The following NT5C2 variants were observed in gnomAD, a reference collection of about 807,000 sequenced individuals.
NT5C2 encodes 5'-nucleotidase, cytosolic II.
A neutral mutation model predicts 76.1 loss-of-function variants in NT5C2; 58 were observed. The observed-to-expected ratio is 0.76, with a 90% confidence interval of 0.62 to 0.95. NT5C2 has a LOEUF of 0.95. NT5C2 is among the 40% of genes least tolerant of loss of function. The probability of loss-of-function intolerance (pLI) is 0.00; values close to 1 mark genes in which losing one functional copy is unlikely to be tolerated. For missense variants in NT5C2, 478 were observed against 690.3 expected (o/e 0.69, Z 3.45); for synonymous variants, 229 against 237.4 (o/e 0.96, Z 0.32).
At chr10:103,092,730 G>C (rs2067227418) in intron 15 of NT5C2, among the ~76,000 whole-genome samples, 1 of 152,158 alleles carries the variant, frequency 6.6e-6, no homozygotes, top group Non-Finnish European at 1.5e-5. Flanking sequence ...AAAAATACCA[G>C]AGGTGATTAA....
In NT5C2 at chr10:103,099,940, A is replaced by C. The variant is rs745543095; in HGVS notation, c.619T>G (p.Trp207Gly). ...CTTCTAGGTACCTTGTAATGAACCCAGTCAACAGCATCTCTTACATCCTGG... is the reference window on the plus strand; with the variant it reads ...CTTCTAGGTACCTTGTAATGAACCCCGTCAACAGCATCTCTTACATCCTGG... ...MFQDVRDAVD[W>G]VHYKGSLKEK... The change falls in exon 9 of 19, where the codon TGG becomes GGG. Residue 207 changes from tryptophan (W) to glycine (G), a missense_variant. Coordinates refer to ENST00000404739, the MANE Select transcript of NT5C2 (RefSeq NM_001351169.2). The C allele has an allele frequency of 2.5e-6, 4 of 1,610,208 alleles. No homozygotes were observed. The highest frequency in any genetic ancestry group is 3.4e-6 in the Non-Finnish European group (4 of 1,176,582).
intron 3 of NT5C2, among the ~76,000 whole-genome samples, chr10:103,174,133 G>GT (rs2089159536): frequency 1.3e-5 from 2 of 151,348 alleles, no homozygotes; most frequent in South Asian, 4.2e-4. Context: ...TTGGCAGGGT[G>GT]TGGTGGCTCA....
chr10:103,171,743 TAA>T (rs971721375), intron 3 of NT5C2, among the ~76,000 whole-genome samples: 7 of 152,128 alleles, frequency 4.6e-5, no homozygotes, highest in Admixed American at 2.6e-4. Flanking sequence ...ATTGAATCTA[TAA>T]AAAGAGTTAA....
chr10:103,140,346 G>T (rs1000586260), intron 3 of NT5C2, among the ~76,000 whole-genome samples: 5 of 151,906 alleles, frequency 3.3e-5, no homozygotes, highest in Non-Finnish European at 7.4e-5. Context: ...TGTCTTCTAC[G>T]TTCATCCATG....
chr10:103,159,846 TAGAG>T (rs2084374111), intron 3 of NT5C2, among the ~76,000 whole-genome samples: 1 of 152,116 alleles, frequency 6.6e-6, no homozygotes, highest in South Asian at 2.1e-4. Flanking sequence ...AAGTTATATA[TAGAG>T]AGAGTCAATG....
rs557708323 is a variant in NT5C2, at chr10:103,193,016, G to T, written c.-169+220C>A. 3.6e-3 allele frequency among the ~76,000 whole-genome samples: 540 copies of T among 152,024 alleles called. 4 individuals carry two copies. Among genetic ancestry groups the T allele is most frequent in the African/African-American group, 0.013 (525 of 41,500 alleles). Reference sequence around the variant, plus strand: ...GAGGAAGGGGCTGCCGTGGGGCGGGGGCCGCACCGAGGGAGTTGGGAGGCG... The same window carrying T: ...GAGGAAGGGGCTGCCGTGGGGCGGGTGCCGCACCGAGGGAGTTGGGAGGCG... On this transcript the variant is annotated intron_variant, in intron 1 of 18. Coordinates refer to ENST00000404739, the MANE Select transcript of NT5C2 (RefSeq NM_001351169.2).
chr10:103,089,115 G>A lies in NT5C2; in HGVS notation c.*557C>T. 4.4e-6 allele frequency: 1 copy of A among 227,554 alleles called. No homozygotes were observed. The highest frequency in any genetic ancestry group is 8.7e-6 in the Non-Finnish European group (1 of 114,516). 14.1% of individuals were successfully genotyped at this position (227,554 alleles called of 1,614,324 possible). The stretch of plus-strand genomic sequence containing the variant: ...TAGAGCATACTTCTGTGCAAAGCCA[G>A]TGATAGAGAAGCAGCCTTGCCAGAG... On this transcript the variant is annotated 3_prime_UTR_variant, in exon 19 of 19. Coordinates refer to ENST00000404739, the MANE Select transcript of NT5C2 (RefSeq NM_001351169.2).
intron 3 of NT5C2, among the ~76,000 whole-genome samples, chr10:103,142,861 T>C (rs1302694055): frequency 2.6e-5 from 4 of 151,444 alleles, no homozygotes; most frequent in Non-Finnish European, 4.4e-5. Context: ...CGTGTTCCTG[T>C]AATCCCAGCT....
chr10:103,143,603 T>G (rs984137389), intron 3 of NT5C2, among the ~76,000 whole-genome samples: 1 of 13,702 alleles, frequency 7.3e-5, no homozygotes, highest in East Asian at 8.5e-4. Context: ...TGTCCAGCTA[T>G]TTTTTTTTTT....
intron 4 of NT5C2, among the ~76,000 whole-genome samples, chr10:103,107,587 C>T (rs1047755612): frequency 6.6e-6 from 1 of 151,632 alleles, no homozygotes; most frequent in Non-Finnish European, 1.5e-5. Context: ...GTGGGAGAAT[C>T]GCTTGAACCT....
chr10:103,158,218 C>T (rs948635754), intron 3 of NT5C2, among the ~76,000 whole-genome samples: 2 of 151,894 alleles, frequency 1.3e-5, no homozygotes, highest in African/African-American at 4.8e-5. Flanking sequence ...CATTGGGGTA[C>T]AGCAAAAGCA....
At chr10:103,133,882 C>A (rs1277116386) in intron 4 of NT5C2, among the ~76,000 whole-genome samples, 1 of 152,134 alleles carries the variant, frequency 6.6e-6, no homozygotes, top group African/African-American at 2.4e-5. Flanking sequence ...TTATTGGGAG[C>A]TGGAGCAAAG....
intron 3 of NT5C2, 120 bp from the exon 4 acceptor site, chr10:103,139,599 T>G (rs2079988407): frequency 4.3e-6 from 3 of 704,128 alleles, no homozygotes; most frequent in Middle Eastern, 4.2e-4. Context: ...TTTTTTAAAC[T>G]TTTAAAATTA....
chr10:103,137,831 CT>C lies in NT5C2; in HGVS notation c.175+1574del, dbSNP rs1335068493. ...ATAACTACTGATTAATACATTGACTCTTTCAAATATATCTTAGAGAAGGAAG... is the reference window on the plus strand; with the variant it reads ...ATAACTACTGATTAATACATTGACTCTTCAAATATATCTTAGAGAAGGAAG... On this transcript the variant is annotated intron_variant, in intron 4 of 18. Coordinates refer to ENST00000404739, the MANE Select transcript of NT5C2 (RefSeq NM_001351169.2). 3.3e-5 allele frequency among the ~76,000 whole-genome samples: 5 copies of C among 152,280 alleles called. No individual in the cohort carries two copies. The South Asian group carries it at 6.2e-4, about 19-fold the overall frequency.
intron 3 of NT5C2, among the ~76,000 whole-genome samples, chr10:103,152,850 C>G (rs1169640706): frequency 1.3e-5 from 2 of 152,008 alleles, no homozygotes; most frequent in African/African-American, 4.8e-5. Flanking sequence ...TTATTTTTTG[C>G]CTACATGCCC....
At chr10:103,129,429 T>A (rs1591222811) in intron 4 of NT5C2, among the ~76,000 whole-genome samples, 2 of 82,896 alleles carry the variant, frequency 2.4e-5, no homozygotes, top group Admixed American at 1.2e-4. Flanking sequence ...TACTGGGAAG[T>A]GAGGAGCCCC....
At chr10:103,153,212 C>T in intron 3 of NT5C2, 1 of 1,050,658 alleles carries the variant, frequency 9.5e-7, no homozygotes, top group Non-Finnish European at 1.3e-6. Context: ...GGTAGCACTG[C>T]TTATTAATCT....
chr10:103,133,648 G>A (rs187990188), intron 4 of NT5C2, among the ~76,000 whole-genome samples: 10 of 152,332 alleles, frequency 6.6e-5, no homozygotes, highest in Admixed American at 1.3e-4. Flanking sequence ...ATTGGTACCA[G>A]TAGAGTGGAG....
intron 4 of NT5C2, among the ~76,000 whole-genome samples, chr10:103,128,055 C>G (rs925636256): frequency 2.9e-5 from 2 of 68,526 alleles, no homozygotes; most frequent in African/African-American, 6.2e-5. Flanking sequence ...CTCTCCCTCT[C>G]CCTCTCCCTC....
Sources: allele counts gnomAD v4.1 joint callset (sites outside exome capture counted in the v4.1 genomes callset), GRCh38; gene constraint gnomAD v4.1.1; transcripts MANE v1.5; gene names NCBI Gene and HGNC (gene_info 2026-07-23, HGNC 2026-07-21).